DPYSL2: variants seen among roughly 807,000 people sequenced by gnomAD.
DPYSL2 encodes dihydropyrimidinase-related protein 2.
Under a neutral mutation model 69.9 loss-of-function variants are expected in DPYSL2, and 13 were observed. The observed-to-expected ratio is 0.19, with a 90% CI of 0.12 to 0.30. The LOEUF is 0.30. Ranked by LOEUF, DPYSL2 falls within the 10% of genes least tolerant of loss-of-function variation. The pLI, the probability that DPYSL2 is intolerant of heterozygous loss-of-function variation, is 1.00. For missense variants in DPYSL2, 587 were observed against 918.9 expected (o/e 0.64, Z 4.67); for synonymous variants, 326 against 359.1 (o/e 0.91, Z 1.04).
rs374599797 is a variant in DPYSL2, at chr8:26,597,775, CTT to C, written c.628+13811_628+13812del. 6.5e-4 allele frequency among the ~76,000 whole-genome samples: 82 copies of C among 127,118 alleles called. No homozygotes were observed. Among genetic ancestry groups the C allele is most frequent in the Admixed American group, 7.2e-4 (9 of 12,516 alleles). The allele number at this position is 127,118 out of a possible 152,430, so 83.4% of individuals were successfully genotyped here. On this transcript the variant is annotated intron_variant, in intron 3 of 13. Coordinates refer to ENST00000521913, the MANE Select transcript of DPYSL2 (RefSeq NM_001197293.3). The surrounding 1 kb of genome is among the most constrained non-coding windows in gnomAD (Gnocchi z 5.2). ...AGGCAAGAGCCACCGCACCTGGCCT[CTT>C]TTTTTTTTTTTTTTTTTTGAGGGGC...
chr8:26,647,528 C>T lies in DPYSL2; in HGVS notation c.1426-102C>T. On this transcript the variant is annotated intron_variant, in intron 10 of 13. Transcript: ENST00000521913. The surrounding 1 kb of genome is among the most constrained non-coding windows in gnomAD (Gnocchi z 5.1). ...CACTTGGCACAACGCTCTTGACATC[C>T]ATCTAAGCTGTCGTGTGTATCAATA... 7.9e-7 allele frequency: 1 copy of T among 1,260,316 alleles called. No homozygotes were observed. Among genetic ancestry groups the T allele is most frequent in the Non-Finnish European group, 1.1e-6 (1 of 905,906 alleles). 78.1% of individuals were successfully genotyped at this position (1,260,316 alleles called of 1,614,324 possible).
At chr8:26,569,482 T>C (rs1801205385) in intron 1 of DPYSL2, among the ~76,000 whole-genome samples, 1 of 151,998 alleles carries the variant, frequency 6.6e-6, no homozygotes, top group Non-Finnish European at 1.5e-5. Context: ...CTCGGTCACC[T>C]GGGCTGAAGA....
In DPYSL2 at chr8:26,582,705, A is replaced by G. The variant is rs1334707267; in HGVS notation, c.443+648A>G. ...TTAAGGAAGCTGAGTTCATCCCAGTATCTGCCTGCCCTTTCTACTGGGGTA... is the reference window on the plus strand; with the variant it reads ...TTAAGGAAGCTGAGTTCATCCCAGTGTCTGCCTGCCCTTTCTACTGGGGTA... On this transcript the variant is annotated intron_variant, in intron 2 of 13. Coordinates refer to ENST00000521913, the MANE Select transcript of DPYSL2 (RefSeq NM_001197293.3). This position sits in a 1 kb window ranked among gnomAD's most constrained non-coding sequence, Gnocchi z 4.1. Among the ~76,000 whole-genome samples, 2 of 152,192 alleles carry G rather than the reference A, an allele frequency of 1.3e-5. No individual in the cohort carries two copies. The highest frequency in any genetic ancestry group is 2.9e-5 in the Non-Finnish European group (2 of 68,036).
chr8:26,592,948 G>A (rs997574405), intron 3 of DPYSL2, among the ~76,000 whole-genome samples: 4 of 152,042 alleles, frequency 2.6e-5, no homozygotes, highest in South Asian at 2.1e-4. Flanking sequence ...AGTGATTACT[G>A]ATTTCTTTAG....
At chr8:26,527,742 A>T (rs1055917900) in intron 1 of DPYSL2, among the ~76,000 whole-genome samples, 61 of 152,034 alleles carry the variant, frequency 4.0e-4, no homozygotes, top group South Asian at 8.3e-4. Context: ...TCCCAGAATT[A>T]AAAAAATATG....
intron 7 of DPYSL2, among the ~76,000 whole-genome samples, chr8:26,630,071 G>A (rs1802729469): frequency 6.6e-6 from 1 of 152,164 alleles, no homozygotes; most frequent in Non-Finnish European, 1.5e-5. Flanking sequence ...GCACAGACAC[G>A]CACATATGTG....
At chr8:26,600,348 T>C (rs1039215075) in intron 3 of DPYSL2, among the ~76,000 whole-genome samples, 2 of 152,182 alleles carry the variant, frequency 1.3e-5, no homozygotes, top group Non-Finnish European at 2.9e-5. Context: ...GGCAAATATA[T>C]TTAACTTTCT....
At position 26,655,781 on chromosome 8, in the gene DPYSL2, T is replaced by A; in HGVS notation, c.*75T>A. On this transcript the variant is annotated 3_prime_UTR_variant, in exon 14 of 14. Transcript: ENST00000521913. Reference sequence around the variant, plus strand: ...GACATTCTGAGACTTCTTTCTTCCTTCCTTTTTTTTTTTTTGTTTTTTTTT... The same window carrying A: ...GACATTCTGAGACTTCTTTCTTCCTACCTTTTTTTTTTTTTGTTTTTTTTT... The A allele has an allele frequency of 8.6e-7, 1 of 1,169,378 alleles. No homozygotes were observed. The highest frequency in any genetic ancestry group is 1.2e-6 in the Non-Finnish European group (1 of 862,540). 72.4% of individuals were successfully genotyped at this position (1,169,378 alleles called of 1,614,324 possible).
intron 1 of DPYSL2, among the ~76,000 whole-genome samples, chr8:26,563,164 A>C (rs1423310107): frequency 6.6e-6 from 1 of 152,120 alleles, no homozygotes; most frequent in African/African-American, 2.4e-5. Context: ...ATGCCAAAGA[A>C]TTTGTGGCAC....
rs144304192 is a variant in DPYSL2, at chr8:26,601,936, T to A, written c.628+17953T>A. ...CAAAGACAGGATTGTATATGACTGT[T>A]GCCAAGCAACCTAGATGTTTGTTAT... is the stretch of plus-strand genomic sequence containing the variant. On this transcript the variant is annotated intron_variant, in intron 3 of 13. Transcript: ENST00000521913. Among the ~76,000 whole-genome samples the A allele has an allele frequency of 2.0e-3, 306 of 152,392 alleles. 1 individual carries two copies. Among genetic ancestry groups the A allele is most frequent in the Non-Finnish European group, 3.8e-3 (256 of 68,042 alleles).
intron 1 of DPYSL2, among the ~76,000 whole-genome samples, chr8:26,538,380 A>G (rs1366684095): frequency 1.3e-5 from 2 of 152,134 alleles, no homozygotes; most frequent in African/African-American, 4.8e-5. Flanking sequence ...CCACATAGAA[A>G]AGTGTAGGAA....
rs1801114780 is a variant in DPYSL2 at position 26,564,174 on chromosome 8, C to T, written c.355-17795C>T. Among the ~76,000 whole-genome samples the T allele has an allele frequency of 6.6e-6, 1 of 152,148 alleles. No individual in the cohort carries two copies. The highest frequency in any genetic ancestry group is 1.5e-5 in the Non-Finnish European group (1 of 68,032). On this transcript the variant is annotated intron_variant, in intron 1 of 13. Transcript: ENST00000521913. The surrounding 1 kb of genome is among the most constrained non-coding windows in gnomAD (Gnocchi z 4.8). ...AAGATCACAAAGTGCGCATTAGCTT[C>T]CAATTAGCATGCTGTTTGCCCAAGC...
Position 26,587,212 on chromosome 8 carries a change from A to G in DPYSL2, c.628+3229A>G, listed in dbSNP as rs191117039. Among the ~76,000 whole-genome samples the G allele has an allele frequency of 4.2e-3, 634 of 152,336 alleles. 12 individuals carry two copies. Among genetic ancestry groups the G allele is most frequent in the Admixed American group, 0.029 (441 of 15,290 alleles). ...TAATGCCACTTCATTGGCACCTAAG[A>G]CCTGCTACTTTCTTTGACTTAATAT... On this transcript the variant is annotated intron_variant, in intron 3 of 13. Coordinates refer to ENST00000521913, the MANE Select transcript of DPYSL2 (RefSeq NM_001197293.3). The surrounding 1 kb of genome is among the most constrained non-coding windows in gnomAD (Gnocchi z 4.2).
intron 7 of DPYSL2, among the ~76,000 whole-genome samples, chr8:26,634,428 C>CTTTTTTTTTTTTTTTTTTTTTTTT (rs55746168): frequency 2.2e-5 from 2 of 91,146 alleles, no homozygotes; most frequent in Non-Finnish European, 4.2e-5. Flanking sequence ...CCATGCCCAG[C>CTTTTTTTTTTTTTTTTTTTTTTTT]TTTTTTTTTT....
intron 1 of DPYSL2, among the ~76,000 whole-genome samples, chr8:26,567,417 T>TATCCATCC (rs60972865): frequency 6.6e-6 from 1 of 151,388 alleles, no homozygotes; most frequent in Admixed American, 6.6e-5. Flanking sequence ...ACCCATCTAC[T>TATCCATCC]ATCCATCCAT....
chr8:26,554,386 G>GT (rs1486735996), intron 1 of DPYSL2, among the ~76,000 whole-genome samples: 4 of 140,106 alleles, frequency 2.9e-5, no homozygotes, highest in Non-Finnish European at 4.7e-5. Flanking sequence ...TTGTAAATTT[G>GT]TTTAAGTTCT....
At chr8:26,555,903 AGGT>A (rs1800938275) in intron 1 of DPYSL2, among the ~76,000 whole-genome samples, 1 of 138,784 alleles carries the variant, frequency 7.2e-6, no homozygotes, top group Admixed American at 8.4e-5. Context: ...GTACTTGTAT[AGGT>A]AGTTATATAT....
In DPYSL2 at chr8:26,571,351, C is replaced by T. The variant is rs980772842; in HGVS notation, c.355-10618C>T. 6.6e-6 allele frequency among the ~76,000 whole-genome samples: 1 copy of T among 152,178 alleles called. No individual in the cohort carries two copies. Among genetic ancestry groups the T allele is most frequent in the African/African-American group, 2.4e-5 (1 of 41,438 alleles). On this transcript the variant is annotated intron_variant, in intron 1 of 13. Coordinates refer to ENST00000521913, the MANE Select transcript of DPYSL2 (RefSeq NM_001197293.3). The surrounding 1 kb of genome is among the most constrained non-coding windows in gnomAD (Gnocchi z 6.1). ...CACACCAACGGAAACAAGTGATCTC[C>T]AAGGCCCTGCCCTGGCTTGGAGACC...
chr8:26,652,111 G>A lies in DPYSL2; in HGVS notation c.1597-146G>A. 1 of 596,646 alleles carries A rather than the reference G, an allele frequency of 1.7e-6. No individual in the cohort carries two copies. The highest frequency in any genetic ancestry group is 3.1e-5 in the East Asian group (1 of 32,310). 37.0% of individuals were successfully genotyped at this position (596,646 alleles called of 1,614,324 possible). On this transcript the variant is annotated intron_variant, in intron 11 of 13. Coordinates refer to ENST00000521913, the MANE Select transcript of DPYSL2 (RefSeq NM_001197293.3). This position sits in a 1 kb window ranked among gnomAD's most constrained non-coding sequence, Gnocchi z 6.3. ...AGGGAAATGGAGACACAGCAAGTAAGTGCCTGCTGGGGTGCCCAGTTGGGA... is the reference window on the plus strand; with the variant it reads ...AGGGAAATGGAGACACAGCAAGTAAATGCCTGCTGGGGTGCCCAGTTGGGA...
Sources: gnomAD v4.1 joint callset for allele counts (sites outside exome capture counted in the v4.1 genomes callset) on GRCh38, gnomAD v4.1.1 for gene constraint, Gnocchi (gnomAD v3.1) non-coding constraint, MANE v1.5 for transcripts, NCBI Gene and HGNC (gene_info 2026-07-23, HGNC 2026-07-21) for gene names.